MEIKIN: variants seen among roughly 807,000 people sequenced by gnomAD.
The protein encoded by MEIKIN is meiosis-specific kinetochore protein.
chr5:131,877,701 A>C lies in MEIKIN; in HGVS notation c.774+1277T>G, dbSNP rs575739365. On this transcript the variant is annotated intron_variant, in intron 9 of 12. Transcript: ENST00000442687. ...GATGCCATGCCTAACGTAATGATTC[A>C]TAAGTAATCTTCAGCATTATTCAAA... Among the ~76,000 whole-genome samples, 7 of 152,304 alleles carry C rather than the reference A, an allele frequency of 4.6e-5. No homozygotes were observed. In the South Asian group the frequency reaches 8.3e-4, roughly 18 times the overall value.
At chr5:131,881,358 T>C (rs186499983) in intron 8 of MEIKIN, among the ~76,000 whole-genome samples, 112 of 152,324 alleles carry the variant, frequency 7.4e-4, no homozygotes, top group South Asian at 6.0e-3. Flanking sequence ...CATTCTTTCC[T>C]GGTTTTCCTA....
intron 6 of MEIKIN, among the ~76,000 whole-genome samples, chr5:131,917,137 T>C (rs1751425908): frequency 6.6e-6 from 1 of 152,236 alleles, no homozygotes; most frequent in Middle Eastern, 3.2e-3. Flanking sequence ...CTCTCCCTTG[T>C]ATTTGAATAG....
intron 11 of MEIKIN, among the ~76,000 whole-genome samples, chr5:131,849,662 ATTTC>A (rs1750077951): frequency 6.6e-6 from 1 of 150,756 alleles, no homozygotes; most frequent in Non-Finnish European, 1.5e-5. Context: ...AGTCTCAGGT[ATTTC>A]TTTATAGCAA....
chr5:131,939,372 T>A (rs1395728500), intron 4 of MEIKIN, among the ~76,000 whole-genome samples: 4 of 143,590 alleles, frequency 2.8e-5, no homozygotes, highest in African/African-American at 5.1e-5. Context: ...AGTTTTCAGC[T>A]TTTTTTTTTT....
chr5:131,913,863 C>T (rs546250349), intron 7 of MEIKIN, among the ~76,000 whole-genome samples: 16 of 152,314 alleles, frequency 1.1e-4, no homozygotes, highest in African/African-American at 3.8e-4. Flanking sequence ...CAGAGTTCTA[C>T]TATTAGCCAT....
chr5:131,900,343 G>A (rs1174090200), intron 8 of MEIKIN, among the ~76,000 whole-genome samples: 2 of 152,152 alleles, frequency 1.3e-5, no homozygotes. Context: ...AAAGAAGCTG[G>A]GAACCCTGCA....
intron 8 of MEIKIN, among the ~76,000 whole-genome samples, chr5:131,891,177 A>G (rs541922180): frequency 1.2e-4 from 19 of 152,174 alleles, no homozygotes; most frequent in Non-Finnish European, 2.5e-4. Context: ...GTGGTGCTGA[A>G]AAGAATGTAT....
chr5:131,909,550 G>C (rs1481507391), intron 8 of MEIKIN, among the ~76,000 whole-genome samples: 1 of 152,070 alleles, frequency 6.6e-6, no homozygotes, highest in East Asian at 1.9e-4. Context: ...GGCAACCAAA[G>C]CAAAATTACA....
intron 9 of MEIKIN, among the ~76,000 whole-genome samples, chr5:131,859,322 G>A (rs1421062307): frequency 6.6e-6 from 1 of 152,146 alleles, no homozygotes; most frequent in Non-Finnish European, 1.5e-5. Flanking sequence ...TGATGATGTA[G>A]TGTGAATATG....
intron 8 of MEIKIN, among the ~76,000 whole-genome samples, chr5:131,892,334 C>T (rs1750938178): frequency 6.6e-6 from 1 of 152,198 alleles, no homozygotes; most frequent in Non-Finnish European, 1.5e-5. Context: ...TCCATTCTCC[C>T]CGTCACTTTC....
At chr5:131,851,444 A>C (rs1750113804) in intron 10 of MEIKIN, 61 bp from the exon 11 acceptor site, 1 of 395,444 alleles carries the variant, frequency 2.5e-6, no homozygotes, top group Non-Finnish European at 4.5e-6. Flanking sequence ...ATGATTTTTA[A>C]GTAATTAAAG....
chr5:131,846,165 C>T (rs142290918), intron 11 of MEIKIN, among the ~76,000 whole-genome samples: 4 of 152,300 alleles, frequency 2.6e-5, no homozygotes, highest in East Asian at 1.9e-4. Flanking sequence ...AAATATCCTA[C>T]ATCCAGTAAA....
chr5:131,945,444 G>A lies in MEIKIN; in HGVS notation c.62C>T (p.Pro21Leu). ...CGCTGGAGAGCCTAGGTCTGGCGTCGGGGTGAGATTGAGCCTCTGACCCTC... is the reference window on the plus strand; with the variant it reads ...CGCTGGAGAGCCTAGGTCTGGCGTCAGGGTGAGATTGAGCCTCTGACCCTC... The part of the protein sequence containing the change: ...KREGQRLNLT[P>L]TPDLGSPAKA... The change falls in exon 1 of 13, where the codon CCG becomes CTG. Residue 21 changes from proline to leucine, a missense_variant. By Grantham distance (98) the Pro-to-Leu change is moderately conservative. Coordinates refer to ENST00000442687, the MANE Select transcript of MEIKIN (RefSeq NM_001303622.2). 1 of 399,344 alleles carries A rather than the reference G, an allele frequency of 2.5e-6. No homozygotes were observed. Among genetic ancestry groups the A allele is most frequent in the Non-Finnish European group, 4.4e-6 (1 of 226,182 alleles). The allele number at this position is 399,344 out of a possible 1,614,324, so 24.7% of individuals were successfully genotyped here. A position where few individuals can be genotyped will look rare whatever the true frequency, so the allele number is the denominator to read the frequency against.
chr5:131,941,142 C>CTTTTTTTTTTTTTT lies in MEIKIN; in HGVS notation c.349+1479_349+1492dup, dbSNP rs397999274. 3.0e-4 allele frequency among the ~76,000 whole-genome samples: 18 copies of CTTTTTTTTTTTTTT among 59,690 alleles called. 1 individual carries two copies. Among genetic ancestry groups the CTTTTTTTTTTTTTT allele is most frequent in the African/African-American group, 5.3e-4 (7 of 13,102 alleles). The allele number at this position is 59,690 out of a possible 152,430, so 39.2% of individuals were successfully genotyped here. ...TTGACAATTCCTTCAAGATCTCTTCCTTTTTTTTTTTTTTTTTTTTTTTTT... is the reference window on the plus strand; with the variant it reads ...TTGACAATTCCTTCAAGATCTCTTCCTTTTTTTTTTTTTTTTTTTTTTTTTTTTTTTTTTTTTTT... On this transcript the variant is annotated intron_variant, in intron 4 of 12. Coordinates refer to ENST00000442687, the MANE Select transcript of MEIKIN (RefSeq NM_001303622.2).
intron 4 of MEIKIN, 76 bp downstream of exon 4, chr5:131,942,559 G>A (rs2149656287): frequency 2.5e-6 from 1 of 396,344 alleles, no homozygotes; most frequent in Non-Finnish European, 4.5e-6. Context: ...ATAGGAAGAT[G>A]GGGAGAGATA....
intron 11 of MEIKIN, among the ~76,000 whole-genome samples, chr5:131,819,371 G>T (rs776904184): frequency 6.8e-6 from 1 of 148,120 alleles, no homozygotes; most frequent in Non-Finnish European, 1.5e-5. Context: ...GGAGGCCAAT[G>T]CAGGAGGATT....
intron 4 of MEIKIN, among the ~76,000 whole-genome samples, chr5:131,939,489 T>C (rs2149655022): frequency 6.6e-6 from 1 of 152,320 alleles, no homozygotes; most frequent in Non-Finnish European, 1.5e-5. Flanking sequence ...AACCTACAGC[T>C]TTACAACATT....
At chr5:131,891,599 G>T (rs1403701417) in intron 8 of MEIKIN, among the ~76,000 whole-genome samples, 1 of 151,910 alleles carries the variant, frequency 6.6e-6, no homozygotes, top group Admixed American at 6.6e-5. Flanking sequence ...TTTATTTTGA[G>T]CCTATGTGTC....
intron 8 of MEIKIN, among the ~76,000 whole-genome samples, chr5:131,885,500 C>T (rs544712194): frequency 6.6e-6 from 1 of 151,612 alleles, no homozygotes; most frequent in South Asian, 2.1e-4. Context: ...CCAGATAATT[C>T]TTTCAGATCT....
Sources: allele counts gnomAD v4.1 joint callset (sites outside exome capture counted in the v4.1 genomes callset), GRCh38; gene constraint gnomAD v4.1.1; transcripts MANE v1.5; gene names NCBI Gene and HGNC (gene_info 2026-07-23, HGNC 2026-07-21).